PHTF2: variants seen among roughly 807,000 people sequenced by gnomAD.
PHTF2 encodes protein PHTF2.
Under a neutral mutation model 101.2 loss-of-function variants are expected in PHTF2, and 60 were observed. The ratio of observed to expected loss-of-function variants is 0.59; its 90% confidence interval spans 0.48 to 0.73. PHTF2 has a LOEUF of 0.73. PHTF2 is among the 30% of genes least tolerant of loss of function. The probability of loss-of-function intolerance (pLI) is 0.00; values close to 1 mark genes in which losing one functional copy is unlikely to be tolerated. For synonymous variants in PHTF2, 311 were observed against 307.3 expected (o/e 1.01, Z -0.13); for missense variants, 747 against 908.7 (o/e 0.82, Z 2.29).
intron 7 of PHTF2, among the ~76,000 whole-genome samples, chr7:77,904,327 T>C (rs1801657466): frequency 6.6e-6 from 1 of 152,202 alleles, no homozygotes; most frequent in African/African-American, 2.4e-5. Flanking sequence ...CTATGTTCTC[T>C]CAAATTTAGA....
At chr7:77,805,992 T>C (rs1792942826) in intron 1 of PHTF2, among the ~76,000 whole-genome samples, 1 of 151,884 alleles carries the variant, frequency 6.6e-6, no homozygotes, top group South Asian at 2.1e-4. Context: ...CTGGCCAACA[T>C]GTTGAAACCT....
chr7:77,923,016 A>G (rs1803628726), intron 11 of PHTF2: 1 of 1,177,318 alleles, frequency 8.5e-7, no homozygotes, highest in African/African-American at 1.6e-5. Flanking sequence ...AGACTCATAC[A>G]TTGTTTGTTG....
chr7:77,894,720 A>G (rs1206997804), intron 5 of PHTF2, among the ~76,000 whole-genome samples: 1 of 152,196 alleles, frequency 6.6e-6, no homozygotes, highest in Non-Finnish European at 1.5e-5. Flanking sequence ...ACTCTATAGA[A>G]GAGCGAGAGG....
At chr7:77,890,332 A>G (rs1030960703) in intron 3 of PHTF2, among the ~76,000 whole-genome samples, 3 of 152,190 alleles carry the variant, frequency 2.0e-5, no homozygotes, top group African/African-American at 7.2e-5. Flanking sequence ...TAGTTATGCC[A>G]AGGATTGACA....
chr7:77,812,593 C>CT (rs1163639676), intron 1 of PHTF2, among the ~76,000 whole-genome samples: 8,054 of 143,346 alleles, frequency 0.056, 295 homozygotes, highest in South Asian at 0.17. Context: ...TCTTTTTTTA[C>CT]TTTTTTTTTT....
intron 2 of PHTF2, among the ~76,000 whole-genome samples, chr7:77,850,390 C>T (rs1304552409): frequency 9.6e-6 from 1 of 103,804 alleles, no homozygotes; most frequent in Non-Finnish European, 2.0e-5. Flanking sequence ...AAAAAAGGCA[C>T]GATGGCTCAC....
At chr7:77,946,465 G>A (rs979175610) in intron 16 of PHTF2, among the ~76,000 whole-genome samples, 2 of 151,992 alleles carry the variant, frequency 1.3e-5, no homozygotes, top group African/African-American at 4.8e-5. Context: ...AAAGTTTGGG[G>A]AAAAACAATC....
chr7:77,951,547 A>T, intron 17 of PHTF2, 70 bp from the exon 17 acceptor site: 1 of 665,988 alleles, frequency 1.5e-6, no homozygotes, highest in Non-Finnish European at 2.5e-6. Context: ...TACTTGAGTG[A>T]ATATCTTTCA....
chr7:77,861,972 G>A (rs1340614802), intron 3 of PHTF2, among the ~76,000 whole-genome samples: 1 of 151,490 alleles, frequency 6.6e-6, no homozygotes, highest in Non-Finnish European at 1.5e-5. Flanking sequence ...CAGGAGAATC[G>A]CTTGAACCTG....
chr7:77,799,957 T>C (rs900291099), intron 1 of PHTF2, among the ~76,000 whole-genome samples: 2 of 152,250 alleles, frequency 1.3e-5, no homozygotes, highest in Non-Finnish European at 2.9e-5. Flanking sequence ...TACTTTAATC[T>C]TAAGGTTTTT....
chr7:77,934,203 A>C lies in PHTF2; in HGVS notation c.1339-3507A>C, dbSNP rs9641305. On this transcript the variant is annotated intron_variant, in intron 12 of 19. Coordinates refer to ENST00000416283, the Ensembl canonical transcript of PHTF2. ...GATGGAAAAATCCCTTCTCATGAAAAAACACTGAGCATTTGAATTAGTATG... is the reference window on the plus strand; with the variant it reads ...GATGGAAAAATCCCTTCTCATGAAACAACACTGAGCATTTGAATTAGTATG... 1.1e-3 allele frequency among the ~76,000 whole-genome samples: 161 copies of C among 152,288 alleles called. 1 individual carries two copies. The East Asian group carries it at 0.029, about 27-fold the overall frequency.
intron 3 of PHTF2, among the ~76,000 whole-genome samples, chr7:77,855,803 G>A (rs1008400027): frequency 2.0e-5 from 3 of 152,142 alleles, no homozygotes; most frequent in African/African-American, 7.2e-5. Context: ...TACACTTTCT[G>A]TCCCCCAAGC....
intron 5 of PHTF2, among the ~76,000 whole-genome samples, chr7:77,897,239 C>A (rs903959430): frequency 6.7e-5 from 10 of 149,118 alleles, no homozygotes; most frequent in Non-Finnish European, 1.2e-4. Context: ...TAACAATACA[C>A]AGAAGTCTAG....
intron 5 of PHTF2, among the ~76,000 whole-genome samples, chr7:77,896,849 A>G (rs1800918948): frequency 6.6e-6 from 1 of 152,216 alleles, no homozygotes; most frequent in African/African-American, 2.4e-5. Flanking sequence ...TGATTCTTTC[A>G]TTAGTTGTCA....
chr7:77,918,944 C>G lies in PHTF2; in HGVS notation c.777-1335C>G, dbSNP rs938043303. ...ATGGTCTTTCTGCCCCTTTAGGAAC[C>G]TTGGAGAAGAAGGACAAGGAAGGAA... is the stretch of plus-strand genomic sequence containing the variant. On this transcript the variant is annotated intron_variant, in intron 9 of 19. Coordinates refer to ENST00000416283, the Ensembl canonical transcript of PHTF2. 9.9e-5 allele frequency among the ~76,000 whole-genome samples: 15 copies of G among 152,210 alleles called. 1 individual carries two copies. Among genetic ancestry groups the G allele is most frequent in the Admixed American group, 7.8e-4 (12 of 15,292 alleles).
At chr7:77,835,274 CAAA>C (rs11412821) in intron 1 of PHTF2, among the ~76,000 whole-genome samples, 1 of 82,230 alleles carries the variant, frequency 1.2e-5, no homozygotes, top group Non-Finnish European at 2.6e-5. Context: ...AACTCCGTCT[CAAA>C]AAAAAAAAAA....
chr7:77,947,999 C>T (rs1436233895), intron 16 of PHTF2, among the ~76,000 whole-genome samples: 8 of 151,400 alleles, frequency 5.3e-5, no homozygotes, highest in African/African-American at 7.3e-5. Flanking sequence ...CCACCACGCC[C>T]GGCTAATTTT....
intron 18 of PHTF2, among the ~76,000 whole-genome samples, chr7:77,952,864 C>G (rs536508047): frequency 3.3e-5 from 5 of 152,160 alleles, no homozygotes; most frequent in Non-Finnish European, 7.4e-5. Context: ...TTCTCAAGTC[C>G]GCTGATTCAG....
At position 77,838,575 on chromosome 7, in the gene PHTF2, C is replaced by G. The variant is rs74302379; in HGVS notation, c.-35-1646C>G. 0.012 allele frequency among the ~76,000 whole-genome samples: 1,753 copies of G among 152,096 alleles called. 86 individuals carry two copies. In the East Asian group the frequency reaches 0.13, roughly 11 times the overall value. ...TATAATTGAAAACCTACTGTATGTC[C>G]TGGACTGTGGCAGGCATCTTATATA... On this transcript the variant is annotated intron_variant, in intron 1 of 19. Transcript: ENST00000416283.
Sources: gnomAD v4.1 joint callset for allele counts (sites outside exome capture counted in the v4.1 genomes callset) on GRCh38, gnomAD v4.1.1 for gene constraint, MANE v1.5 for transcripts, NCBI Gene and HGNC (gene_info 2026-07-23, HGNC 2026-07-21) for gene names.